Variants in NRXN3 observed in about 807,000 individuals in gnomAD.
NRXN3 encodes the protein neurexin 3, also known as neurexin III.
NRXN3 carries 32 observed loss-of-function variants against 137.6 expected under a neutral mutation model. That is an observed-to-expected ratio of 0.23 (90% CI 0.18 to 0.31). The LOEUF (loss-of-function observed/expected upper bound fraction) is 0.31. NRXN3 is among the 10% of genes least tolerant of loss of function. The pLI, the probability that NRXN3 is intolerant of heterozygous loss-of-function variation, is 1.00. For synonymous variants in NRXN3, 798 were observed against 784.5 expected (o/e 1.02, Z -0.29); for missense variants, 1,574 against 2,062.5 (o/e 0.76, Z 4.59).
intron 16 of NRXN3, among the ~76,000 whole-genome samples, chr14:79,520,816 G>A (rs2097057035): frequency 6.6e-6 from 1 of 152,198 alleles, no homozygotes; most frequent in Non-Finnish European, 1.5e-5. Context: ...TTACACTTTG[G>A]TGGGAGTGTA....
intron 2 of NRXN3, among the ~76,000 whole-genome samples, chr14:78,270,655 A>C (rs1420457877): frequency 1.3e-5 from 2 of 152,230 alleles, no homozygotes; most frequent in Non-Finnish European, 2.9e-5. Flanking sequence ...ACAAGCCAGC[A>C]GAAACAGTAA....
chr14:79,761,434 A>G (rs894081052), intron 19 of NRXN3, among the ~76,000 whole-genome samples: 4 of 151,646 alleles, frequency 2.6e-5, no homozygotes, highest in Admixed American at 6.6e-5. Flanking sequence ...TCCTTAGGCC[A>G]TGGCTGTCTG....
rs199670259 is a variant in NRXN3 at position 79,420,285 on chromosome 14, A to G, written c.3263-46936A>G. Among the ~76,000 whole-genome samples the G allele has an allele frequency of 3.9e-5, 6 of 152,334 alleles. No homozygotes were observed. The East Asian group carries it at 1.2e-3, about 29-fold the overall frequency. On this transcript the variant is annotated intron_variant, in intron 15 of 20. Coordinates refer to ENST00000335750, the MANE Select transcript of NRXN3 (RefSeq NM_001330195.2). ...GTGAAGTAAATTTCCAAGAACATGT[A>G]AAATAGAAATGAATGACAGAGCTGG...
rs759930376 is a variant in NRXN3 at position 78,645,334 on chromosome 14, G to C, written c.972G>C (p.Gly324=). The stretch of plus-strand genomic sequence containing the variant: ...CCTTGGTCATTAACCTGGGGTCCGG[G>C]GCCTTTGAGGCCATTGTGGAGCCAG... ...AVSLVINLGS[G]AFEAIVEPVN... Residue 324 remains glycine (G), a synonymous_variant, in exon 5 of 21, where the codon GGG becomes GGC. Coordinates refer to ENST00000335750, the MANE Select transcript of NRXN3 (RefSeq NM_001330195.2). 3 of 1,598,772 alleles carry C rather than the reference G, an allele frequency of 1.9e-6. No homozygotes were observed. In the Admixed American group the frequency reaches 5.0e-5, roughly 27 times the overall value.
chr14:79,809,538 A>G (rs1302765085), intron 20 of NRXN3, among the ~76,000 whole-genome samples: 1 of 152,140 alleles, frequency 6.6e-6, no homozygotes, highest in African/African-American at 2.4e-5. Flanking sequence ...ATACAATCAC[A>G]TTTTCTGAAT....
chr14:79,133,571 T>C (rs1389846349), intron 15 of NRXN3, among the ~76,000 whole-genome samples: 1 of 152,210 alleles, frequency 6.6e-6, no homozygotes, highest in Non-Finnish European at 1.5e-5. Context: ...ATAGATTGTG[T>C]ATGTGTTTGA....
At chr14:78,632,113 CAAAAA>C (rs58767974) in intron 4 of NRXN3, among the ~76,000 whole-genome samples, 8 of 75,026 alleles carry the variant, frequency 1.1e-4, no homozygotes, top group Non-Finnish European at 1.1e-4. Flanking sequence ...GACTCCGTCT[CAAAAA>C]AAAAAAAAAA....
intron 4 of NRXN3, among the ~76,000 whole-genome samples, chr14:78,547,329 C>A (rs1249770135): frequency 6.6e-6 from 1 of 151,984 alleles, no homozygotes; most frequent in African/African-American, 2.4e-5. Context: ...CCTCAGCCTC[C>A]CAAGCAGCTG....
chr14:79,052,695 A>G (rs762580173), intron 15 of NRXN3, among the ~76,000 whole-genome samples: 1 of 152,232 alleles, frequency 6.6e-6, no homozygotes, highest in Admixed American at 6.5e-5. Context: ...CTCCCATCTC[A>G]TGAGGAATTA....
intron 20 of NRXN3, chr14:79,860,996 T>G (rs1241078520): frequency 1.6e-6 from 2 of 1,243,636 alleles, no homozygotes; most frequent in African/African-American, 3.0e-5. Context: ...TGAGAGTTGT[T>G]TACAAATATA....
chr14:78,262,070 T>G (rs1381745838), intron 2 of NRXN3, among the ~76,000 whole-genome samples: 1 of 151,246 alleles, frequency 6.6e-6, no homozygotes. Flanking sequence ...GTCAGGGAGG[T>G]GTTTCTGAGG....
At chr14:78,683,988 G>A (rs924159401) in intron 6 of NRXN3, among the ~76,000 whole-genome samples, 5 of 152,116 alleles carry the variant, frequency 3.3e-5, no homozygotes, top group African/African-American at 1.2e-4. Flanking sequence ...TTACTTCTTA[G>A]TTAACTCTAA....
chr14:79,762,150 A>G (rs1252128553), intron 19 of NRXN3, among the ~76,000 whole-genome samples: 1 of 151,148 alleles, frequency 6.6e-6, no homozygotes. Flanking sequence ...TCTTACTTCT[A>G]CCATACTCCA....
chr14:78,682,884 A>G (rs2098089882), intron 6 of NRXN3, among the ~76,000 whole-genome samples: 1 of 152,212 alleles, frequency 6.6e-6, no homozygotes, highest in Non-Finnish European at 1.5e-5. Flanking sequence ...CTAGCTCTTC[A>G]TCAAGTATTA....
chr14:78,325,215 T>C (rs2079909779), intron 4 of NRXN3, among the ~76,000 whole-genome samples: 1 of 152,024 alleles, frequency 6.6e-6, no homozygotes, highest in African/African-American at 2.4e-5. Flanking sequence ...TAATTTGAAC[T>C]GAACGTGAGG....
intron 4 of NRXN3, among the ~76,000 whole-genome samples, chr14:78,484,483 T>A (rs1325016437): frequency 1.3e-5 from 2 of 152,172 alleles, no homozygotes; most frequent in African/African-American, 4.8e-5. Context: ...AATGCATGTA[T>A]TACTTTCCTC....
chr14:79,801,485 GATTA>G (rs1349428855), intron 19 of NRXN3, among the ~76,000 whole-genome samples: 2 of 152,166 alleles, frequency 1.3e-5, no homozygotes, highest in Non-Finnish European at 2.9e-5. Flanking sequence ...GGCTGATGTT[GATTA>G]ATTGTGAAGT....
intron 4 of NRXN3, among the ~76,000 whole-genome samples, chr14:78,568,554 A>G (rs2096857762): frequency 1.3e-5 from 2 of 152,180 alleles, no homozygotes. Flanking sequence ...TTGGTAATTT[A>G]TGTATCAGGT....
chr14:79,797,101 A>G (rs545708935), intron 19 of NRXN3, among the ~76,000 whole-genome samples: 14 of 152,362 alleles, frequency 9.2e-5, no homozygotes, highest in African/African-American at 2.9e-4. Context: ...GAATGAGTCA[A>G]TGCAAATGTC....
Sources: gnomAD v4.1 joint callset for allele counts (sites outside exome capture counted in the v4.1 genomes callset) on GRCh38, gnomAD v4.1.1 for gene constraint, MANE v1.5 for transcripts, NCBI Gene and HGNC (gene_info 2026-07-23, HGNC 2026-07-21) for gene names.